TMOD1: variants seen among roughly 807,000 people sequenced by gnomAD.
TMOD1 encodes the protein tropomodulin 1, also known as tropomodulin-1.
In TMOD1, 17 loss-of-function variants were observed where a neutral mutation model predicts 40.6. That is an observed-to-expected ratio of 0.42 (90% CI 0.29 to 0.63). The LOEUF (loss-of-function observed/expected upper bound fraction) is 0.63, where lower values mean the gene tolerates loss of function less well. TMOD1 is among the 20% of genes least tolerant of loss of function. The pLI, the probability that TMOD1 is intolerant of heterozygous loss-of-function variation, is 0.22. For synonymous variants in TMOD1, 181 were observed against 175.0 expected (o/e 1.03, Z -0.27); for missense variants, 391 against 447.6 (o/e 0.87, Z 1.14).
intron 4 of TMOD1, among the ~76,000 whole-genome samples, chr9:97,560,583 C>T (rs1458847640): frequency 6.6e-6 from 1 of 151,538 alleles, no homozygotes; most frequent in Non-Finnish European, 1.5e-5. Context: ...GAGTTCAAGA[C>T]CAACCTGGCC....
intron 6 of TMOD1, among the ~76,000 whole-genome samples, chr9:97,564,697 C>T (rs1439698829): frequency 2.0e-5 from 3 of 152,214 alleles, no homozygotes; most frequent in Non-Finnish European, 1.5e-5. Context: ...AAGCTGTCTG[C>T]CCTTTTCTCT....
intron 4 of TMOD1, among the ~76,000 whole-genome samples, chr9:97,556,268 G>A (rs1381978612): frequency 6.6e-6 from 1 of 152,162 alleles, no homozygotes; most frequent in Non-Finnish European, 1.5e-5. Flanking sequence ...AGTCTTTCTA[G>A]CCTGAGGCAG....
At chr9:97,595,533 CTTTTTT>C (rs71487335) in intron 9 of TMOD1, among the ~76,000 whole-genome samples, 2 of 121,684 alleles carry the variant, frequency 1.6e-5, no homozygotes, top group African/African-American at 3.1e-5. Context: ...AACAAATTTC[CTTTTTT>C]TTTTTTTTTT....
intron 2 of TMOD1, among the ~76,000 whole-genome samples, chr9:97,524,538 C>CT (rs1829973884): frequency 6.7e-6 from 1 of 148,930 alleles, no homozygotes; most frequent in African/African-American, 2.5e-5. Flanking sequence ...GTGTGTGTGT[C>CT]GAGACAGAGA....
intron 6 of TMOD1, among the ~76,000 whole-genome samples, chr9:97,565,188 G>A (rs1371558017): frequency 6.6e-6 from 1 of 152,218 alleles, no homozygotes; most frequent in African/African-American, 2.4e-5. Flanking sequence ...AGCCTCCTCT[G>A]GGCCTCAGTT....
chr9:97,591,901 G>A (rs1826010180), intron 9 of TMOD1, among the ~76,000 whole-genome samples: 1 of 152,038 alleles, frequency 6.6e-6, no homozygotes, highest in African/African-American at 2.4e-5. Flanking sequence ...GGTAAAAGTT[G>A]AAAATGTCAA....
intron 1 of TMOD1, among the ~76,000 whole-genome samples, chr9:97,514,637 G>A (rs374236015): frequency 3.3e-4 from 50 of 152,260 alleles, no homozygotes; most frequent in African/African-American, 1.1e-3. Context: ...CAGTGAGGCC[G>A]CCTGGTGTAT....
At chr9:97,516,051 C>G (rs1338985622) in intron 1 of TMOD1, among the ~76,000 whole-genome samples, 1 of 152,158 alleles carries the variant, frequency 6.6e-6, no homozygotes, top group Non-Finnish European at 1.5e-5. Flanking sequence ...TACTTTTTGT[C>G]TACTCCTTCC....
chr9:97,567,719 G>GACGCCATCATAGAGAAAGCTGAC (rs1830749810), intron 7 of TMOD1, among the ~76,000 whole-genome samples: 3 of 152,190 alleles, frequency 2.0e-5, no homozygotes, highest in Non-Finnish European at 4.4e-5. Context: ...GTCAGAGACA[G>GACGCCATCATAGAGAAAGCTGAC]ACGCCATCAT....
Position 97,503,146 on chromosome 9 carries a change from C to T in TMOD1, c.-49+1343C>T, listed in dbSNP as rs1261286219. On this transcript the variant is annotated intron_variant, in intron 1 of 9. Transcript: ENST00000259365. ...CTTCCAGAGGTGACTGCCATTTTGT[C>T]CTCTGTGCAGGGCCGCAGAGCCCCC... 3.3e-5 allele frequency among the ~76,000 whole-genome samples: 5 copies of T among 152,152 alleles called. No homozygotes were observed. In the East Asian group the frequency reaches 9.7e-4, roughly 29 times the overall value.
At chr9:97,588,406 C>G (rs913134411) in intron 8 of TMOD1, among the ~76,000 whole-genome samples, 6 of 152,104 alleles carry the variant, frequency 3.9e-5, no homozygotes, top group African/African-American at 1.2e-4. Flanking sequence ...AGTGTCTATT[C>G]AAATCCTTTG....
At chr9:97,539,118 C>G (rs1830237040) in intron 2 of TMOD1, among the ~76,000 whole-genome samples, 1 of 152,214 alleles carries the variant, frequency 6.6e-6, no homozygotes, top group Non-Finnish European at 1.5e-5. Context: ...TCCCTGGTTA[C>G]TCCAATTTTT....
At chr9:97,538,127 C>T (rs1325358295) in intron 2 of TMOD1, among the ~76,000 whole-genome samples, 1 of 152,010 alleles carries the variant, frequency 6.6e-6, no homozygotes, top group Admixed American at 6.6e-5. Flanking sequence ...TCTAGTATGC[C>T]CCAGTCCCCA....
At chr9:97,523,355 A>G (rs966498368) in intron 1 of TMOD1, among the ~76,000 whole-genome samples, 1 of 152,128 alleles carries the variant, frequency 6.6e-6, no homozygotes, top group Non-Finnish European at 1.5e-5. Context: ...TGGCAAACCA[A>G]TTCTTCCCTC....
chr9:97,550,818 A>G (rs1348209565), intron 3 of TMOD1, among the ~76,000 whole-genome samples: 3 of 151,578 alleles, frequency 2.0e-5, no homozygotes, highest in Admixed American at 6.6e-5. Flanking sequence ...CCTTCTGTGT[A>G]TTGTCATTTC....
At chr9:97,555,801 A>C (rs1482535885) in intron 4 of TMOD1, 1 of 1,068,676 alleles carries the variant, frequency 9.4e-7, no homozygotes, top group Non-Finnish European at 1.4e-6. Flanking sequence ...ATGGATGGAG[A>C]AAGTAGGCAA....
intron 8 of TMOD1, among the ~76,000 whole-genome samples, chr9:97,572,599 G>C: frequency 6.6e-6 from 1 of 152,168 alleles, no homozygotes; most frequent in Non-Finnish European, 1.5e-5. Flanking sequence ...CCAGGCTGGG[G>C]GGAGGCAGGG....
intron 8 of TMOD1, among the ~76,000 whole-genome samples, chr9:97,570,266 C>A (rs1274593344): frequency 6.6e-6 from 1 of 152,226 alleles, no homozygotes; most frequent in Non-Finnish European, 1.5e-5. Context: ...TTGCTCCCCA[C>A]TCTCATGCCT....
intron 9 of TMOD1, among the ~76,000 whole-genome samples, chr9:97,598,882 TAC>T (rs1381121447): frequency 5.3e-5 from 8 of 152,194 alleles, no homozygotes; most frequent in Admixed American, 5.2e-4. Context: ...CTACTGGCTC[TAC>T]AGACTTCTTT....
Sources: allele counts gnomAD v4.1 joint callset (sites outside exome capture counted in the v4.1 genomes callset), GRCh38; gene constraint gnomAD v4.1.1; transcripts MANE v1.5; gene names NCBI Gene and HGNC (gene_info 2026-07-23, HGNC 2026-07-21).